Variants in MAPK4 observed in about 807,000 individuals in gnomAD.
The protein encoded by MAPK4 is mitogen-activated protein kinase 4.
Under a neutral mutation model 47.7 loss-of-function variants are expected in MAPK4, and 22 were observed. That is an observed-to-expected ratio of 0.46 (90% CI 0.33 to 0.66). The LOEUF (loss-of-function observed/expected upper bound fraction) is 0.66, where lower values mean the gene tolerates loss of function less well. MAPK4 is among the 30% of genes least tolerant of loss of function. The pLI, the probability that MAPK4 is intolerant of heterozygous loss-of-function variation, is 0.02. For synonymous variants in MAPK4, 390 were observed against 365.7 expected (o/e 1.07, Z -0.76); for missense variants, 736 against 831.7 (o/e 0.88, Z 1.42).
chr18:50,573,165 G>A (rs936546524), intron 1 of MAPK4, among the ~76,000 whole-genome samples: 2 of 152,302 alleles, frequency 1.3e-5, no homozygotes, highest in Non-Finnish European at 2.9e-5. Flanking sequence ...TTTTAAATAA[G>A]CATATTTAAT....
chr18:50,726,764 G>A (rs1370970399), intron 5 of MAPK4, among the ~76,000 whole-genome samples: 3 of 151,666 alleles, frequency 2.0e-5, no homozygotes, highest in African/African-American at 7.3e-5. Flanking sequence ...GCCAGGCATG[G>A]TGGCACACGG....
chr18:50,608,541 G>A (rs575745411), intron 1 of MAPK4, among the ~76,000 whole-genome samples: 4 of 152,036 alleles, frequency 2.6e-5, no homozygotes, highest in Non-Finnish European at 4.4e-5. Flanking sequence ...CTTCATGCAG[G>A]GACCAATGAT....
chr18:50,700,893 G>A (rs1909751303), intron 2 of MAPK4, among the ~76,000 whole-genome samples: 1 of 152,102 alleles, frequency 6.6e-6, no homozygotes, highest in Admixed American at 6.6e-5. Flanking sequence ...GGTGACAGAG[G>A]AGGAAATCAA....
At chr18:50,710,374 T>G (rs1046500129) in intron 2 of MAPK4, among the ~76,000 whole-genome samples, 11 of 152,056 alleles carry the variant, frequency 7.2e-5, no homozygotes, top group Admixed American at 2.0e-4. Flanking sequence ...TCTCAGCTAC[T>G]TGGGAGGCTG....
intron 1 of MAPK4, among the ~76,000 whole-genome samples, chr18:50,597,265 G>A (rs2042490688): frequency 6.6e-6 from 1 of 152,170 alleles, no homozygotes; most frequent in Non-Finnish European, 1.5e-5. Context: ...AGGTCTCTTG[G>A]AATTGGGTGG....
intron 1 of MAPK4, among the ~76,000 whole-genome samples, chr18:50,638,700 T>C (rs1227707000): frequency 5.9e-5 from 9 of 152,166 alleles, no homozygotes; most frequent in Non-Finnish European, 1.3e-4. Flanking sequence ...CGGAGAGAGA[T>C]GAAGTTCTGG....
chr18:50,659,351 A>C (rs1444348351), intron 1 of MAPK4, among the ~76,000 whole-genome samples: 1 of 152,220 alleles, frequency 6.6e-6, no homozygotes, highest in Non-Finnish European at 1.5e-5. Flanking sequence ...CAGAGTGTTC[A>C]GGAGAGGGGA....
intron 1 of MAPK4, among the ~76,000 whole-genome samples, chr18:50,599,701 G>T (rs1480015974): frequency 6.6e-6 from 1 of 152,152 alleles, no homozygotes; most frequent in East Asian, 1.9e-4. Flanking sequence ...TTACAAGTGT[G>T]AACCACTGTG....
intron 1 of MAPK4, among the ~76,000 whole-genome samples, chr18:50,649,478 C>T (rs943586912): frequency 6.6e-5 from 10 of 152,190 alleles, no homozygotes; most frequent in African/African-American, 2.4e-4. Context: ...ACTTGGTTTC[C>T]TCCAGGTGGG....
chr18:50,680,389 G>A (rs1163614528), intron 2 of MAPK4, among the ~76,000 whole-genome samples: 1 of 151,986 alleles, frequency 6.6e-6, no homozygotes, highest in East Asian at 1.9e-4. Flanking sequence ...ACCGCGCCTG[G>A]CCTAAACTCT....
chr18:50,677,554 G>GTTT (rs140981187), intron 2 of MAPK4, among the ~76,000 whole-genome samples: 1 of 150,014 alleles, frequency 6.7e-6, no homozygotes, highest in African/African-American at 2.5e-5. Context: ...TGTGTGTAAG[G>GTTT]TTTTTTTTTG....
chr18:50,664,548 C>G lies in MAPK4; in HGVS notation c.546+44C>G. The G allele has an allele frequency of 6.5e-7, 1 of 1,535,822 alleles. No homozygotes were observed. Among genetic ancestry groups the G allele is most frequent in the Non-Finnish European group, 8.8e-7 (1 of 1,136,322 alleles). On this transcript the variant is annotated intron_variant, in intron 2 of 5. Coordinates refer to ENST00000400384, the MANE Select transcript of MAPK4 (RefSeq NM_002747.4). The surrounding 1 kb of genome is among the most constrained non-coding windows in gnomAD (Gnocchi z 6.0). Reference sequence around the variant, plus strand: ...GCGGATACTGGTGGTCCACAGAATCCCCAAGAATACTTGCAGCATTCCCAA... The same window carrying G: ...GCGGATACTGGTGGTCCACAGAATCGCCAAGAATACTTGCAGCATTCCCAA...
intron 1 of MAPK4, among the ~76,000 whole-genome samples, chr18:50,662,197 T>G (rs1440125586): frequency 6.6e-6 from 1 of 152,244 alleles, no homozygotes; most frequent in Non-Finnish European, 1.5e-5. Context: ...ACAGTCTTCT[T>G]TCTTTGTGTG....
At chr18:50,592,148 C>A (rs746124131) in intron 1 of MAPK4, among the ~76,000 whole-genome samples, 4 of 152,118 alleles carry the variant, frequency 2.6e-5, no homozygotes, top group Non-Finnish European at 5.9e-5. Context: ...TAGACCTTGC[C>A]TGTCATGAGT....
intron 4 of MAPK4, among the ~76,000 whole-genome samples, chr18:50,724,183 A>T (rs1003713799): frequency 6.6e-6 from 1 of 152,042 alleles, no homozygotes; most frequent in Non-Finnish European, 1.5e-5. Flanking sequence ...GGCTAATTTT[A>T]AAATTTTTTT....
At chr18:50,681,064 C>T (rs1017170780) in intron 2 of MAPK4, among the ~76,000 whole-genome samples, 13 of 152,062 alleles carry the variant, frequency 8.5e-5, no homozygotes, top group Non-Finnish European at 1.8e-4. Flanking sequence ...TATCCACATC[C>T]TCACCAACAC....
chr18:50,596,594 C>A (rs1382887483), intron 1 of MAPK4, among the ~76,000 whole-genome samples: 1 of 152,166 alleles, frequency 6.6e-6, no homozygotes, highest in African/African-American at 2.4e-5. Context: ...TCTCTTGATG[C>A]ACCTAAGTGC....
chr18:50,602,171 A>G (rs1420915502), intron 1 of MAPK4, among the ~76,000 whole-genome samples: 1 of 152,234 alleles, frequency 6.6e-6, no homozygotes, highest in Non-Finnish European at 1.5e-5. Context: ...AATGCCGCAG[A>G]TCTTCCCAGA....
chr18:50,686,449 T>G (rs1380161566), intron 2 of MAPK4, among the ~76,000 whole-genome samples: 1 of 152,232 alleles, frequency 6.6e-6, no homozygotes, highest in Non-Finnish European at 1.5e-5. Flanking sequence ...GCACCAAAAC[T>G]TTGTCCACAT....
Sources: gnomAD v4.1 joint callset for allele counts (sites outside exome capture counted in the v4.1 genomes callset) on GRCh38, gnomAD v4.1.1 for gene constraint, Gnocchi (gnomAD v3.1) non-coding constraint, MANE v1.5 for transcripts, NCBI Gene and HGNC (gene_info 2026-07-23, HGNC 2026-07-21) for gene names.